DDX60L: variants seen among roughly 807,000 people sequenced by gnomAD.
The protein encoded by DDX60L is DExD/H-box 60 like, also known as probable ATP-dependent RNA helicase DDX60-like.
In DDX60L, 191 loss-of-function variants were observed where a neutral mutation model predicts 211.6. The observed-to-expected ratio is 0.90, with a 90% CI of 0.80 to 1.02. The LOEUF (loss-of-function observed/expected upper bound fraction) is 1.02, where lower values mean the gene tolerates loss of function less well. Ranked by LOEUF, DDX60L falls within the 50% of genes least tolerant of loss-of-function variation. DDX60L has a pLI of 0.00. For synonymous variants in DDX60L, 706 were observed against 694.1 expected, an observed-to-expected ratio of 1.02 and a Z score of -0.27; for missense variants, 2,007 against 1,984.1, an observed-to-expected ratio of 1.01 and a Z score of -0.22.
At chr4:168,384,471 A>G (rs1743502978) in intron 30 of DDX60L, 141 bp downstream of exon 30, 2 of 1,076,836 alleles carry the variant, frequency 1.9e-6, no homozygotes, top group African/African-American at 3.2e-5. Flanking sequence ...TAGATGACAC[A>G]GCAAGACCCT....
At chr4:168,468,285 G>A (rs180945709) in intron 4 of DDX60L, among the ~76,000 whole-genome samples, 60 of 151,958 alleles carry the variant, frequency 3.9e-4, no homozygotes, top group African/African-American at 1.2e-3. Context: ...TTAAAGAAAG[G>A]ATATCTATCA....
At chr4:168,364,551 A>G (rs1739639683) in intron 36 of DDX60L, among the ~76,000 whole-genome samples, 1 of 152,134 alleles carries the variant, frequency 6.6e-6, no homozygotes, top group Non-Finnish European at 1.5e-5. Context: ...AATTGACCTA[A>G]CAGCCTTTTT....
chr4:168,393,357 G>A (rs757419270), intron 28 of DDX60L, among the ~76,000 whole-genome samples: 63 of 152,168 alleles, frequency 4.1e-4, no homozygotes, highest in Non-Finnish European at 8.4e-4. Flanking sequence ...TTAGCTGGGT[G>A]TGGTGGTGCA....
At position 168,384,721 on chromosome 4, in the gene DDX60L, G is replaced by C. The variant is rs1358047554; in HGVS notation, c.4007C>G (p.Ala1336Gly). ...IPLPKIKRLL[A>G]SSVPELRGQF... ...TCCTCTCAGCTCAGGAACACTGGAT[G>C]CAAGGAGTCTTTTTATTTTGGGCAA... The change falls in exon 30 of 38, where the codon GCA (alanine) becomes GGA (glycine). Residue 1336 changes from alanine (A) to glycine (G), a missense_variant. Transcript: ENST00000682922. 5 of 1,613,882 alleles carry C rather than the reference G, an allele frequency of 3.1e-6. No individual in the cohort carries two copies. Among genetic ancestry groups the C allele is most frequent in the Non-Finnish European group, 4.2e-6 (5 of 1,179,942 alleles).
chr4:168,387,765 C>A (rs979869982), intron 29 of DDX60L, among the ~76,000 whole-genome samples: 1 of 152,100 alleles, frequency 6.6e-6, no homozygotes, highest in Non-Finnish European at 1.5e-5. Context: ...AAAGATGACT[C>A]CGGAGTGAAA....
At chr4:168,361,303 T>A (rs766047149) in intron 36 of DDX60L, 92 bp from the exon 37 acceptor site, 2 of 738,300 alleles carry the variant, frequency 2.7e-6, no homozygotes, top group Non-Finnish European at 4.5e-6. Flanking sequence ...TCCATGGCAG[T>A]TAATTTATCT....
At chr4:168,404,140 A>G in intron 24 of DDX60L, 34 bp from the exon 25 acceptor site, 1 of 1,251,120 alleles carries the variant, frequency 8.0e-7, no homozygotes. Context: ...TTAAAAAAAA[A>G]AAAAGAATTT....
intron 24 of DDX60L, 54 bp from the exon 25 acceptor site, chr4:168,404,160 G>A (rs1747339522): frequency 1.7e-6 from 2 of 1,159,118 alleles, no homozygotes; most frequent in South Asian, 2.2e-5. Flanking sequence ...TGTGGAAACA[G>A]AAGAAAGAAA....
At chr4:168,415,358 G>A (rs368567557) in intron 22 of DDX60L, 50 bp downstream of exon 22, 42 of 1,153,926 alleles carry the variant, frequency 3.6e-5, no homozygotes, top group East Asian at 2.8e-4. Context: ...TTCCAGTTGC[G>A]ATATACACTA....
rs2018241 is a variant in DDX60L, at chr4:168,419,280, A to T, written c.2610+22T>A. 12 of 1,539,650 alleles carry T rather than the reference A, an allele frequency of 7.8e-6. No individual in the cohort carries two copies. The East Asian group carries it at 2.6e-4, about 33-fold the overall frequency. On this transcript the variant is annotated intron_variant, in intron 19 of 37. Transcript: ENST00000682922. Reference sequence around the variant, plus strand: ...GTGTATGCAGACTAGAACATCAACCAGAGAACTAACACCAAACCTACCTCA... The same window carrying T: ...GTGTATGCAGACTAGAACATCAACCTGAGAACTAACACCAAACCTACCTCA...
chr4:168,453,969 A>T (rs1205113861), intron 7 of DDX60L, among the ~76,000 whole-genome samples: 1 of 152,138 alleles, frequency 6.6e-6, no homozygotes, highest in African/African-American at 2.4e-5. Flanking sequence ...TTCAAATGAG[A>T]CAGTGATCCC....
intron 5 of DDX60L, 48 bp from the exon 6 acceptor site, chr4:168,458,056 C>T: frequency 2.6e-6 from 3 of 1,171,552 alleles, no homozygotes; most frequent in Non-Finnish European, 2.4e-6. Flanking sequence ...AAAGTATTTC[C>T]CAGCTGTAAA....
rs1756434164 is a variant in DDX60L at position 168,455,516 on chromosome 4, C to T, written c.837+523G>A. 2.0e-5 allele frequency among the ~76,000 whole-genome samples: 3 copies of T among 152,224 alleles called. No individual in the cohort carries two copies. In the South Asian group the frequency reaches 6.2e-4, roughly 32 times the overall value. On this transcript the variant is annotated intron_variant, in intron 7 of 37. Coordinates refer to ENST00000682922, the MANE Select transcript of DDX60L (RefSeq NM_001012967.3). ...TGGAGCCAACCATCCTAGTCAAAAT[C>T]CAGGCTGCCTTTTACCATGTGATTT...
chr4:168,471,741 T>C lies in DDX60L; in HGVS notation c.264+6A>G, dbSNP rs28703055. 5,793 of 1,587,374 alleles carry C rather than the reference T, an allele frequency of 3.6e-3. 159 individuals carry two copies. In the African/African-American group the frequency reaches 0.064, roughly 18 times the overall value. On this transcript the variant is annotated splice_donor_region_variant and intron_variant, in intron 4 of 37. Transcript: ENST00000682922. ...GACTAAAACGACATCAATCATCATA[T>C]ATTACCTTAAAGAAAACTATGGTGA...
chr4:168,461,083 G>A (rs1163666065), intron 5 of DDX60L, among the ~76,000 whole-genome samples: 1 of 152,126 alleles, frequency 6.6e-6, no homozygotes, highest in Non-Finnish European at 1.5e-5. Flanking sequence ...TTTTTATAGA[G>A]CTTAATATCT....
chr4:168,360,949 C>CA lies in DDX60L; in HGVS notation c.4991+199dup, dbSNP rs3833606. On this transcript the variant is annotated intron_variant, in intron 37 of 37. Coordinates refer to ENST00000682922, the MANE Select transcript of DDX60L (RefSeq NM_001012967.3). The stretch of plus-strand genomic sequence containing the variant: ...AATGGATTTGAGATGAATCTTAATA[C>CA]AAAAAAAACAGCGTGACAGTGTCCT... Among the ~76,000 whole-genome samples, 17 of 151,914 alleles carry CA rather than the reference C, an allele frequency of 1.1e-4. No homozygotes were observed. In the East Asian group the frequency reaches 2.3e-3, roughly 21 times the overall value.
chr4:168,451,445 T>C (rs921998421), intron 8 of DDX60L, among the ~76,000 whole-genome samples: 1 of 152,234 alleles, frequency 6.6e-6, no homozygotes, highest in African/African-American at 2.4e-5. Flanking sequence ...AAAGTCATCA[T>C]TGACTCTTCC....
intron 22 of DDX60L, among the ~76,000 whole-genome samples, chr4:168,412,875 A>C (rs1748928375): frequency 2.6e-5 from 4 of 152,250 alleles, no homozygotes; most frequent in Admixed American, 1.3e-4. Context: ...AGAAAACTAA[A>C]GTCTCTGATA....
intron 11 of DDX60L, 116 bp downstream of exon 11, chr4:168,432,894 T>C: frequency 1.7e-6 from 1 of 590,260 alleles, no homozygotes; most frequent in East Asian, 2.9e-5. Context: ...AGTCACATTA[T>C]ATAGAATTTA....
Sources: allele counts gnomAD v4.1 joint callset (sites outside exome capture counted in the v4.1 genomes callset), GRCh38; gene constraint gnomAD v4.1.1; transcripts MANE v1.5; gene names NCBI Gene and HGNC (gene_info 2026-07-23, HGNC 2026-07-21).